AAK1: variants seen among roughly 807,000 people sequenced by gnomAD.
AAK1 encodes AP2 associated kinase 1.
A neutral mutation model predicts 116.0 loss-of-function variants in AAK1; 37 were observed. The observed-to-expected ratio is 0.32, with a 90% confidence interval of 0.25 to 0.42. The LOEUF (loss-of-function observed/expected upper bound fraction) is 0.42. AAK1 is among the 10% of genes least tolerant of loss of function. The pLI is 1.00. For synonymous variants in AAK1, 458 were observed against 439.9 expected, an observed-to-expected ratio of 1.04 and a Z score of -0.51; for missense variants, 919 against 1,170.6, an observed-to-expected ratio of 0.79 and a Z score of 3.14.
At chr2:69,642,442 TG>T (rs777511261) in intron 2 of AAK1, among the ~76,000 whole-genome samples, 15 of 152,068 alleles carry the variant, frequency 9.9e-5, no homozygotes, top group Non-Finnish European at 2.1e-4. Flanking sequence ...TGCCTGCTCA[TG>T]GAAGTGGGAA....
At position 69,472,742 on chromosome 2, in the gene AAK1, T is replaced by C. The variant is rs1016036230; in HGVS notation, c.*3127A>G. The stretch of plus-strand genomic sequence containing the variant: ...AAAGCAAATCAGAAACATATGCTTA[T>C]AGTATTTGCCCGTTTTAAACTGGTA... On this transcript the variant is annotated 3_prime_UTR_variant, in exon 22 of 22. Transcript: ENST00000409085. The C allele has an allele frequency of 5.1e-6, 5 of 985,452 alleles. No individual in the cohort carries two copies. The highest frequency in any genetic ancestry group is 6.0e-6 in the Non-Finnish European group (5 of 829,912). 61.0% of individuals were successfully genotyped at this position (985,452 alleles called of 1,614,324 possible). A position where few individuals can be genotyped will look rare whatever the true frequency, so the allele number is the denominator to read the frequency against.
At chr2:69,493,108 G>A (rs1196108660) in intron 17 of AAK1, among the ~76,000 whole-genome samples, 8 of 129,940 alleles carry the variant, frequency 6.2e-5, no homozygotes, top group South Asian at 2.6e-4. Flanking sequence ...GCAGTGAGCC[G>A]AGATCGCGCC....
chr2:69,518,982 T>C lies in AAK1; in HGVS notation c.1469A>G (p.Tyr490Cys). 1 of 1,549,422 alleles carries C rather than the reference T, an allele frequency of 6.5e-7. No homozygotes were observed. Among genetic ancestry groups the C allele is most frequent in the Non-Finnish European group, 8.7e-7 (1 of 1,146,598 alleles). ...PAQQQPAGTF[Y>C]QQQQAQTQQF... The stretch of plus-strand genomic sequence containing the variant: ...CTGAGTCTGGGCCTGCTGCTGCTGG[T>C]AAAACGTGCCTGCCGGCTGCTGCTG... The change falls in exon 12 of 22, where the codon TAC becomes TGC. Residue 490 changes from tyrosine (Y) to cysteine (C), a missense_variant. Coordinates refer to ENST00000409085, the MANE Select transcript of AAK1 (RefSeq NM_014911.5).
chr2:69,483,132 T>C (rs1305492276), intron 17 of AAK1, among the ~76,000 whole-genome samples: 1 of 152,174 alleles, frequency 6.6e-6, no homozygotes, highest in Non-Finnish European at 1.5e-5. Context: ...GTGGTTAGTC[T>C]GGACAAATGT....
intron 20 of AAK1, among the ~76,000 whole-genome samples, chr2:69,478,281 CAG>C (rs1674925823): frequency 2.0e-5 from 3 of 152,312 alleles, no homozygotes; most frequent in African/African-American, 7.2e-5. Context: ...TATAGGCAGG[CAG>C]TAGATAGTCA....
chr2:69,623,072 A>G (rs975058424), intron 2 of AAK1, among the ~76,000 whole-genome samples: 2 of 152,086 alleles, frequency 1.3e-5, no homozygotes, highest in African/African-American at 4.8e-5. Flanking sequence ...GCTCTTTGCA[A>G]TAAATCTTGC....
chr2:69,602,100 A>T (rs143455515), intron 2 of AAK1, among the ~76,000 whole-genome samples: 39 of 152,338 alleles, frequency 2.6e-4, no homozygotes, highest in African/African-American at 8.7e-4. Context: ...AACATCCTAT[A>T]AAGTAGAACT....
chr2:69,466,125 T>A lies in AAK1; in HGVS notation c.*9744A>T. ...CCTGAAGGGAGCTATGGCAAAAACA[T>A]CTGGCTCACTGAGCCCATCAGTGGC... On this transcript the variant is annotated 3_prime_UTR_variant, in exon 22 of 22. Coordinates refer to ENST00000409085, the MANE Select transcript of AAK1 (RefSeq NM_014911.5). 1 of 1,290,672 alleles carries A rather than the reference T, an allele frequency of 7.7e-7. No individual in the cohort carries two copies. 80.0% of individuals were successfully genotyped at this position (1,290,672 alleles called of 1,614,324 possible). A position where few individuals can be genotyped will look rare whatever the true frequency, so the allele number is the denominator to read the frequency against.
chr2:69,614,470 G>A (rs1674228060), intron 2 of AAK1, among the ~76,000 whole-genome samples: 1 of 152,178 alleles, frequency 6.6e-6, no homozygotes, highest in African/African-American at 2.4e-5. Flanking sequence ...GAGAGTGGCA[G>A]CAACAGTGCA....
chr2:69,493,923 G>A (rs998724855), intron 17 of AAK1, among the ~76,000 whole-genome samples: 4 of 152,134 alleles, frequency 2.6e-5, no homozygotes, highest in East Asian at 1.9e-4. Flanking sequence ...GGGGAACAGC[G>A]CTCTCAGCTG....
chr2:69,631,579 G>A (rs899424645), intron 2 of AAK1, among the ~76,000 whole-genome samples: 2 of 152,186 alleles, frequency 1.3e-5, no homozygotes, highest in African/African-American at 4.8e-5. Flanking sequence ...TTCACCCACA[G>A]CAGACCTCAA....
chr2:69,532,812 TG>T (rs1462177349), intron 5 of AAK1, among the ~76,000 whole-genome samples: 2 of 152,226 alleles, frequency 1.3e-5, no homozygotes, highest in Non-Finnish European at 2.9e-5. Flanking sequence ...GCAGTTTTCC[TG>T]TTAATGTATT....
chr2:69,542,422 T>C (rs1425998242), intron 5 of AAK1, 101 bp downstream of exon 5: 3 of 1,389,224 alleles, frequency 2.2e-6, no homozygotes, highest in Non-Finnish European at 3.0e-6. Flanking sequence ...ACAGGGACCA[T>C]ATCTTAAATT....
intron 2 of AAK1, among the ~76,000 whole-genome samples, chr2:69,557,842 T>C (rs1326195454): frequency 8.5e-5 from 13 of 152,340 alleles, no homozygotes; most frequent in Non-Finnish European, 1.9e-4. Flanking sequence ...CTTCTTTTCT[T>C]CTCATCCTAT....
At chr2:69,597,795 C>T (rs1673367107) in intron 2 of AAK1, 1 of 157,272 alleles carries the variant, frequency 6.4e-6, no homozygotes. Context: ...TCGCTTGAGC[C>T]CAGAAGGTCA....
chr2:69,512,130 G>A (rs1676417722), intron 13 of AAK1, among the ~76,000 whole-genome samples: 1 of 152,154 alleles, frequency 6.6e-6, no homozygotes, highest in Non-Finnish European at 1.5e-5. Flanking sequence ...AACAGGATTG[G>A]AAAGTGGGAG....
At chr2:69,513,602 CG>C (rs1405421412) in intron 13 of AAK1, among the ~76,000 whole-genome samples, 1 of 152,176 alleles carries the variant, frequency 6.6e-6, no homozygotes. Context: ...GGATTACAGG[CG>C]TGAGGCCACT....
At chr2:69,606,570 C>T (rs1031291908) in intron 2 of AAK1, among the ~76,000 whole-genome samples, 2 of 152,214 alleles carry the variant, frequency 1.3e-5, no homozygotes, top group African/African-American at 4.8e-5. Flanking sequence ...AACAGACATA[C>T]ATCGTCCTGC....
chr2:69,604,718 G>A (rs1329381430), intron 2 of AAK1, among the ~76,000 whole-genome samples: 5 of 152,096 alleles, frequency 3.3e-5, no homozygotes, highest in African/African-American at 1.2e-4. Context: ...AAGCGGTCCA[G>A]TGGGGCTGCA....
Sources: allele counts gnomAD v4.1 joint callset (sites outside exome capture counted in the v4.1 genomes callset), GRCh38; gene constraint gnomAD v4.1.1; transcripts MANE v1.5; gene names NCBI Gene and HGNC (gene_info 2026-07-23, HGNC 2026-07-21).